Variants in N4BP2L2 observed in about 807,000 individuals in gnomAD.
N4BP2L2 encodes the protein NEDD4-binding protein 2-like 2.
N4BP2L2 carries 50 observed loss-of-function variants against 56.2 expected under a neutral mutation model. The observed-to-expected ratio is 0.89, with a 90% CI of 0.71 to 1.13. The LOEUF (loss-of-function observed/expected upper bound fraction) is 1.13. N4BP2L2 is among the 50% of genes most tolerant of loss of function. N4BP2L2 has a pLI of 0.00. For missense variants in N4BP2L2, 689 were observed against 693.8 expected (o/e 0.99, Z 0.08); for synonymous variants, 203 against 223.6 (o/e 0.91, Z 0.82).
At chr13:32,491,636 T>TATA (rs1491304342) in intron 6 of N4BP2L2, among the ~76,000 whole-genome samples, 16 of 51,752 alleles carry the variant, frequency 3.1e-4, no homozygotes, top group Admixed American at 8.4e-4. Context: ...TATATATATA[T>TATA]TTTTTTTTTT....
rs557526798 is a variant in N4BP2L2 at position 32,494,659 on chromosome 13, G to A, written c.365+23198C>T. Among the ~76,000 whole-genome samples the A allele has an allele frequency of 6.6e-5, 10 of 151,248 alleles. No homozygotes were observed. In the East Asian group the frequency reaches 1.6e-3, roughly 24 times the overall value. On this transcript the variant is annotated intron_variant, in intron 6 of 9. Coordinates refer to the N4BP2L2 transcript ENST00000357505. ...TGGGCGCCTGTAATCCCAGCTACTC[G>A]GGAAGCTGAGGCAGGAGAATGGCGT...
At chr13:32,536,127 G>A in exon 2 of N4BP2L2, 1 of 1,614,042 alleles carries the variant, frequency 6.2e-7, no homozygotes, top group Non-Finnish European at 8.5e-7. Flanking sequence ...ATATTTGATG[G>A]TGGATTTGGT....
At chr13:32,453,107 A>T (rs770578235) in intron 6 of N4BP2L2, among the ~76,000 whole-genome samples, 1 of 151,962 alleles carries the variant, frequency 6.6e-6, no homozygotes, top group Non-Finnish European at 1.5e-5. Context: ...AAAATACAAG[A>T]AATTAGCCGA....
intron 6 of N4BP2L2, among the ~76,000 whole-genome samples, chr13:32,485,582 C>T (rs1157970631): frequency 2.0e-5 from 3 of 152,104 alleles, no homozygotes; most frequent in African/African-American, 7.2e-5. Context: ...AAAATGATTA[C>T]ACTCTGTGAC....
chr13:32,439,548 A>G (rs1349614957), intron 7 of N4BP2L2, among the ~76,000 whole-genome samples: 1 of 152,220 alleles, frequency 6.6e-6, no homozygotes, highest in African/African-American at 2.4e-5. Flanking sequence ...CCCCAAAAAA[A>G]TGGCACAAAA....
chr13:32,521,128 T>C (rs532019423), intron 5 of N4BP2L2, among the ~76,000 whole-genome samples: 11 of 152,178 alleles, frequency 7.2e-5, no homozygotes, highest in African/African-American at 1.7e-4. Flanking sequence ...GTTGAAAAGA[T>C]AGAAAAGTGG....
In N4BP2L2 at chr13:32,445,250, G is replaced by GAATAAATA. The variant is rs35170916; in HGVS notation, c.366-1132_366-1125dup. 9.2e-3 allele frequency among the ~76,000 whole-genome samples: 1,388 copies of GAATAAATA among 150,562 alleles called. 15 individuals carry two copies. Among genetic ancestry groups the GAATAAATA allele is most frequent in the African/African-American group, 0.029 (1,174 of 40,806 alleles). ...TGGCCCACAGGGCAAGACTCCAACT[G>GAATAAATA]AATAAATAAATAAATAAATAAATAA... On this transcript the variant is annotated intron_variant, in intron 6 of 9. Transcript: ENST00000357505.
chr13:32,537,358 AATAT>A (rs1471678513), intron 1 of N4BP2L2, among the ~76,000 whole-genome samples: 1 of 152,106 alleles, frequency 6.6e-6, no homozygotes, highest in Non-Finnish European at 1.5e-5. Context: ...TTGAATCAGT[AATAT>A]ATATTTTTAT....
chr13:32,515,066 A>T (rs2048906291), exon 6 of N4BP2L2: 1 of 151,444 alleles, frequency 6.6e-6, no homozygotes, highest in Non-Finnish European at 1.5e-5. Context: ...TGAACCTGGG[A>T]GGTGGAGGTT....
intron 6 of N4BP2L2, among the ~76,000 whole-genome samples, chr13:32,447,805 GT>G (rs201467161): frequency 6.6e-6 from 1 of 150,590 alleles, no homozygotes; most frequent in Admixed American, 6.6e-5. Flanking sequence ...TTTTTTCGTT[GT>G]TTTTTTTTCT....
At chr13:32,489,766 A>G (rs975719083) in intron 6 of N4BP2L2, among the ~76,000 whole-genome samples, 2 of 14,218 alleles carry the variant, frequency 1.4e-4, no homozygotes, top group Non-Finnish European at 2.5e-4. Context: ...TCCCCTCCTG[A>G]AAAAAAAAAA....
chr13:32,472,150 G>GCGGAT (rs1166141646), intron 6 of N4BP2L2, among the ~76,000 whole-genome samples: 8 of 152,158 alleles, frequency 5.3e-5, no homozygotes, highest in African/African-American at 1.9e-4. Flanking sequence ...ATCGTAAAGA[G>GCGGAT]CGGATTAATA....
At chr13:32,496,645 T>C (rs1272607808) in intron 6 of N4BP2L2, among the ~76,000 whole-genome samples, 2 of 152,142 alleles carry the variant, frequency 1.3e-5, no homozygotes, top group East Asian at 3.9e-4. Context: ...AATAAGCCAT[T>C]CCTAATGCCA....
chr13:32,484,677 G>T (rs1236710275), intron 6 of N4BP2L2, among the ~76,000 whole-genome samples: 1 of 152,064 alleles, frequency 6.6e-6, no homozygotes, highest in Non-Finnish European at 1.5e-5. Flanking sequence ...TAGAGATGGG[G>T]TTTCACCATG....
chr13:32,510,334 CTAAT>C (rs946704606), exon 6 of N4BP2L2: 6 of 151,786 alleles, frequency 4.0e-5, no homozygotes, highest in Non-Finnish European at 7.4e-5. Flanking sequence ...ATTTCAAATG[CTAAT>C]TAAAATAATA....
At chr13:32,536,576 T>C (rs1186421339) in exon 2 of N4BP2L2, 1 of 1,613,924 alleles carries the variant, frequency 6.2e-7, no homozygotes, top group East Asian at 2.2e-5. Context: ...TCCTCCTCTG[T>C]CATTTATACC....
intron 6 of N4BP2L2, among the ~76,000 whole-genome samples, chr13:32,487,950 C>A (rs2139274182): frequency 6.6e-6 from 1 of 152,084 alleles, no homozygotes; most frequent in African/African-American, 2.4e-5. Context: ...CCTCCACCTC[C>A]CAGGTTCAAG....
exon 9 of N4BP2L2, chr13:32,436,382 T>C (rs1247918768): frequency 3.2e-6 from 4 of 1,232,932 alleles, no homozygotes; most frequent in Non-Finnish European, 3.4e-6. Context: ...TTTTCATTTT[T>C]CAACCAATCT....
At chr13:32,531,726 C>T (rs534195334) in intron 2 of N4BP2L2, among the ~76,000 whole-genome samples, 3 of 152,314 alleles carry the variant, frequency 2.0e-5, no homozygotes, top group South Asian at 4.1e-4. Flanking sequence ...CTCTAAACTA[C>T]GGTAAGTATA....
Sources: allele counts gnomAD v4.1 joint callset (sites outside exome capture counted in the v4.1 genomes callset), GRCh38; gene constraint gnomAD v4.1.1; transcripts MANE v1.5; gene names NCBI Gene and HGNC (gene_info 2026-07-23, HGNC 2026-07-21).